The following TMEM62 variants were observed in gnomAD, a reference collection of about 807,000 sequenced individuals.
The protein encoded by TMEM62 is transmembrane protein 62.
In TMEM62, 41 loss-of-function variants were observed where a neutral mutation model predicts 70.4. The observed-to-expected ratio is 0.58, with a 90% confidence interval of 0.45 to 0.76. The LOEUF (loss-of-function observed/expected upper bound fraction) is 0.76. Among genes scored for constraint, TMEM62 ranks in the 30% least tolerant of loss-of-function variants. TMEM62 has a pLI of 0.00. For synonymous variants in TMEM62, 268 were observed against 291.0 expected (o/e 0.92, Z 0.80); for missense variants, 688 against 788.5 (o/e 0.87, Z 1.53).
chr15:43,142,098 G>A (rs541900985), intron 4 of TMEM62, among the ~76,000 whole-genome samples: 31 of 151,886 alleles, frequency 2.0e-4, no homozygotes, highest in African/African-American at 7.0e-4. Context: ...CAATAACAGT[G>A]TTGGAGAGGA....
At chr15:43,140,073 T>C (rs76871119) in intron 4 of TMEM62, among the ~76,000 whole-genome samples, 1 of 151,634 alleles carries the variant, frequency 6.6e-6, no homozygotes, top group East Asian at 1.9e-4. Context: ...ATGCAGCTGA[T>C]TTTTTTTTGT....
intron 11 of TMEM62, chr15:43,169,971 G>A (rs1030750352): frequency 1.6e-5 from 4 of 245,240 alleles, no homozygotes; most frequent in South Asian, 1.9e-4. Flanking sequence ...CAGGTTTTAC[G>A]GGGATTCAGA....
At chr15:43,160,923 T>C (rs2038628574) in intron 10 of TMEM62, 129 bp downstream of exon 10, 1 of 425,414 alleles carries the variant, frequency 2.4e-6, no homozygotes, top group African/African-American at 2.0e-5. Context: ...GGTCTGAAAA[T>C]ATTATATATA....
Position 43,135,498 on chromosome 15 carries a change from G to C in TMEM62, c.293-14G>C. 3 of 1,576,166 alleles carry C rather than the reference G, an allele frequency of 1.9e-6. No individual in the cohort carries two copies. Among genetic ancestry groups the C allele is most frequent in the Non-Finnish European group, 2.6e-6 (3 of 1,170,170 alleles). On this transcript the variant is annotated splice_polypyrimidine_tract_variant and intron_variant, in intron 2 of 13. Transcript: ENST00000260403. Reference sequence around the variant, plus strand: ...TATTTTGCATTGTGATTCAATTCTTGTGTAAACCTACAGGAGACCTGACAG... The same window carrying C: ...TATTTTGCATTGTGATTCAATTCTTCTGTAAACCTACAGGAGACCTGACAG...
chr15:43,140,321 C>T (rs1007236992), intron 4 of TMEM62, among the ~76,000 whole-genome samples: 6 of 152,196 alleles, frequency 3.9e-5, no homozygotes, highest in Non-Finnish European at 8.8e-5. Context: ...CCGGGGCCAC[C>T]TTCTCGGCCT....
chr15:43,147,532 G>T (rs1026041351), intron 5 of TMEM62, among the ~76,000 whole-genome samples: 41 of 152,230 alleles, frequency 2.7e-4, no homozygotes, highest in African/African-American at 9.9e-4. Context: ...TAGTGGTGAG[G>T]TATAAGACCA....
intron 12 of TMEM62, 64 bp downstream of exon 12, chr15:43,178,775 AGAATT>A (rs1157522139): frequency 1.1e-6 from 1 of 921,484 alleles, no homozygotes; most frequent in Middle Eastern, 2.3e-4. Context: ...TTTTGACAAT[AGAATT>A]AGACTCTTGA....
chr15:43,155,541 T>G (rs1208003796), intron 9 of TMEM62, among the ~76,000 whole-genome samples: 1 of 152,148 alleles, frequency 6.6e-6, no homozygotes, highest in African/African-American at 2.4e-5. Context: ...TACACTGTAT[T>G]TAGTATATTC....
Position 43,135,584 on chromosome 15 carries a change from AG to A in TMEM62, c.368del (p.Gly123ValfsTer3). On this transcript the variant is annotated frameshift_variant, in exon 3 of 14. Coordinates refer to ENST00000260403, the MANE Select transcript of TMEM62 (RefSeq NM_024956.4). LOFTEE classifies it high-confidence loss of function. ...RQHEVEWQTY[Q>X]GILKKTRVME... is the part of the protein sequence containing the mutation. ...CATGAGGTAGAATGGCAAACCTACC[AG>A]GGTATTCTGAAGAAGACAAGAGTCA... is the stretch of plus-strand genomic sequence containing the variant. 6.2e-7 allele frequency: 1 copy of A among 1,610,872 alleles called. No homozygotes were observed. The highest frequency in any genetic ancestry group is 8.5e-7 in the Non-Finnish European group (1 of 1,179,360).
chr15:43,152,040 C>T (rs1249264650), intron 8 of TMEM62, 95 bp downstream of exon 8: 13 of 902,280 alleles, frequency 1.4e-5, no homozygotes, highest in South Asian at 4.7e-5. Flanking sequence ...ATGAGATGCC[C>T]CATTTTAGTT....
intron 4 of TMEM62, among the ~76,000 whole-genome samples, chr15:43,140,036 G>A (rs2035771498): frequency 6.6e-6 from 1 of 152,148 alleles, no homozygotes; most frequent in South Asian, 2.1e-4. Context: ...TGGCTTCAAA[G>A]GATGGGCTGA....
At chr15:43,155,554 A>G (rs1228623235) in intron 9 of TMEM62, among the ~76,000 whole-genome samples, 1 of 152,212 alleles carries the variant, frequency 6.6e-6, no homozygotes, top group East Asian at 1.9e-4. Context: ...GTATATTCTG[A>G]AAATGGGCAC....
intron 2 of TMEM62, 32 bp downstream of exon 2, chr15:43,134,400 C>A: frequency 1.3e-6 from 2 of 1,542,640 alleles, no homozygotes; most frequent in South Asian, 2.2e-5. Context: ...TGGTGGTGGT[C>A]TGTGGTCCGC....
chr15:43,179,513 T>C (rs1197119160), intron 12 of TMEM62, among the ~76,000 whole-genome samples: 2 of 152,202 alleles, frequency 1.3e-5, no homozygotes, highest in African/African-American at 2.4e-5. Flanking sequence ...GACTATATCA[T>C]GTAGGTTTGT....
In TMEM62 at chr15:43,134,241, T is replaced by C. The variant is rs777154982; in HGVS notation, c.181-16T>C. On this transcript the variant is annotated splice_polypyrimidine_tract_variant and intron_variant, in intron 1 of 13. Coordinates refer to ENST00000260403, the MANE Select transcript of TMEM62 (RefSeq NM_024956.4). ...TCCTGGCTCAGATCTCTCTGTTCAA[T>C]ACCTGTTTTCGGCAGATATCCGACA... The C allele has an allele frequency of 6.2e-7, 1 of 1,610,912 alleles. No homozygotes were observed. The highest frequency in any genetic ancestry group is 1.7e-5 in the Admixed American group (1 of 60,022).
intron 11 of TMEM62, among the ~76,000 whole-genome samples, chr15:43,176,073 G>A (rs919033983): frequency 1.2e-4 from 19 of 152,352 alleles, no homozygotes; most frequent in Non-Finnish European, 1.9e-4. Context: ...ACGGAGTCTC[G>A]CTGATTGCTA....
rs562716194 is a variant in TMEM62, at chr15:43,150,956, T to C, written c.867-834T>C. Among the ~76,000 whole-genome samples the C allele has an allele frequency of 9.2e-5, 14 of 152,342 alleles. No individual in the cohort carries two copies. In the East Asian group the frequency reaches 1.9e-3, roughly 21 times the overall value. On this transcript the variant is annotated intron_variant, in intron 7 of 13. Transcript: ENST00000260403. Reference sequence around the variant, plus strand: ...TTTTTTAGTTCTAAAAGTTAGAAAATATAAAACTTTGGTTATTCTTTAATG... The same window carrying C: ...TTTTTTAGTTCTAAAAGTTAGAAAACATAAAACTTTGGTTATTCTTTAATG...
intron 5 of TMEM62, among the ~76,000 whole-genome samples, chr15:43,147,049 C>T (rs1436748828): frequency 4.6e-5 from 7 of 152,186 alleles, no homozygotes; most frequent in Admixed American, 3.9e-4. Context: ...CTGCAACCTC[C>T]ACATCCCAGG....
chr15:43,175,713 C>T (rs1021041454), intron 11 of TMEM62, among the ~76,000 whole-genome samples: 9 of 152,190 alleles, frequency 5.9e-5, no homozygotes, highest in South Asian at 2.1e-4. Context: ...CCAAGATGGC[C>T]GAACAGGAAC....
Sources: gnomAD v4.1 joint callset for allele counts (sites outside exome capture counted in the v4.1 genomes callset) on GRCh38, gnomAD v4.1.1 for gene constraint, MANE v1.5 for transcripts, NCBI Gene and HGNC (gene_info 2026-07-23, HGNC 2026-07-21) for gene names.